CAMTA1: variants seen among roughly 807,000 people sequenced by gnomAD.
CAMTA1 encodes calmodulin binding transcription activator 1, also known as calmodulin-binding transcription activator 1.
In CAMTA1, 27 loss-of-function variants were observed where a neutral mutation model predicts 170.9. That is an observed-to-expected ratio of 0.16 (90% CI 0.12 to 0.22). CAMTA1 has a LOEUF of 0.22. CAMTA1 is among the 10% of genes least tolerant of loss of function. CAMTA1 has a pLI of 1.00. For missense variants in CAMTA1, 1,619 were observed against 2,217.2 expected (o/e 0.73, Z 5.42); for synonymous variants, 833 against 891.5 (o/e 0.93, Z 1.17).
At chr1:7,008,512 G>A (rs1042704686) in intron 3 of CAMTA1, 2 of 152,196 alleles carry the variant, frequency 1.3e-5, no homozygotes, top group African/African-American at 4.8e-5. Context: ...CCCAGAGGAG[G>A]GGAGGCTCAG....
intron 3 of CAMTA1, among the ~76,000 whole-genome samples, chr1:6,933,667 A>ATT (rs376754402): frequency 1.5e-5 from 2 of 135,150 alleles, no homozygotes; most frequent in African/African-American, 2.7e-5. Flanking sequence ...TTCGTTTTTC[A>ATT]TTTTTTTTTT....
At position 7,555,590 on chromosome 1, in the gene CAMTA1, C is replaced by T. The variant is rs34872342; in HGVS notation, c.511-84810C>T. Among the ~76,000 whole-genome samples, 1,042 of 144,970 alleles carry T rather than the reference C, an allele frequency of 7.2e-3. 2 individuals are homozygous for T. The highest frequency in any genetic ancestry group is 0.021 in the Middle Eastern group (6 of 280). On this transcript the variant is annotated intron_variant, in intron 6 of 22. Coordinates refer to ENST00000303635, the MANE Select transcript of CAMTA1 (RefSeq NM_015215.4). ...AGCTTGGAACTCTCACCCAAGGAGC[C>T]GAATGAGGTCCTGCTCCTGGAACAG...
intron 6 of CAMTA1, among the ~76,000 whole-genome samples, chr1:7,515,294 T>C (rs982162388): frequency 6.6e-6 from 1 of 152,166 alleles, no homozygotes; most frequent in Non-Finnish European, 1.5e-5. Context: ...TCTTGTGGCC[T>C]TGGAAGGGTT....
chr1:7,019,904 C>T (rs951115636), intron 3 of CAMTA1, among the ~76,000 whole-genome samples: 1 of 152,236 alleles, frequency 6.6e-6, no homozygotes, highest in East Asian at 1.9e-4. Context: ...TGGAAGCCAA[C>T]AGCTCTCCTT....
chr1:6,990,996 G>A (rs1028903943), intron 3 of CAMTA1, among the ~76,000 whole-genome samples: 1 of 151,916 alleles, frequency 6.6e-6, no homozygotes, highest in African/African-American at 2.4e-5. Flanking sequence ...CCTCTTTTAG[G>A]CAAGGCTTCC....
At chr1:6,876,382 A>G (rs1362089568) in intron 3 of CAMTA1, among the ~76,000 whole-genome samples, 1 of 148,414 alleles carries the variant, frequency 6.7e-6, no homozygotes, top group Non-Finnish European at 1.5e-5. Flanking sequence ...TTTTTTTGAG[A>G]CGGAGTTTTG....
At chr1:7,526,175 T>G (rs2094429717) in intron 6 of CAMTA1, among the ~76,000 whole-genome samples, 1 of 151,704 alleles carries the variant, frequency 6.6e-6, no homozygotes, top group Non-Finnish European at 1.5e-5. Context: ...AGGAGAAGGA[T>G]AAGCAGGACA....
At chr1:7,420,763 G>A (rs984418129) in intron 5 of CAMTA1, among the ~76,000 whole-genome samples, 9 of 152,222 alleles carry the variant, frequency 5.9e-5, no homozygotes, top group African/African-American at 7.2e-5. Context: ...AGACAGAACC[G>A]TTCAAGTACA....
rs1166876979 is a variant in CAMTA1 at position 7,286,290 on chromosome 1, C to T, written c.438+36664C>T. ...GATGGCACAGGTGGAGGGGCGGAGG[C>T]GCCAGGGTGTGCCACGTGCTTTTAG... On this transcript the variant is annotated intron_variant, in intron 5 of 22. Coordinates refer to ENST00000303635, the MANE Select transcript of CAMTA1 (RefSeq NM_015215.4). This position sits in a 1 kb window ranked among gnomAD's most constrained non-coding sequence, Gnocchi z 4.2. 3.3e-5 allele frequency among the ~76,000 whole-genome samples: 5 copies of T among 152,276 alleles called. No individual in the cohort carries two copies. Among genetic ancestry groups the T allele is most frequent in the Admixed American group, 6.5e-5 (1 of 15,302 alleles).
chr1:6,841,904 G>A (rs1655879776), intron 3 of CAMTA1, among the ~76,000 whole-genome samples: 1 of 152,158 alleles, frequency 6.6e-6, no homozygotes, highest in Non-Finnish European at 1.5e-5. Context: ...GCCACTACAG[G>A]GCCCGCAAGC....
chr1:7,197,558 C>G (rs572426887), intron 4 of CAMTA1, among the ~76,000 whole-genome samples: 310 of 150,506 alleles, frequency 2.1e-3, no homozygotes, highest in Middle Eastern at 0.014. Flanking sequence ...TTTTAGGAAC[C>G]TGCGTGTGGG....
chr1:7,466,226 C>T (rs537876901), intron 5 of CAMTA1, among the ~76,000 whole-genome samples: 7 of 152,250 alleles, frequency 4.6e-5, no homozygotes, highest in African/African-American at 1.4e-4. Context: ...AACAAAACAC[C>T]GTGTCTTGAA....
At position 7,682,242 on chromosome 1, in the gene CAMTA1, C is replaced by G. The variant is rs2096214349; in HGVS notation, c.2914+4509C>G. The stretch of plus-strand genomic sequence containing the variant: ...AAGCTCAAACTTCATTATCCAGTTG[C>G]CTGCTTCCTGGGCAAGCCTCAGTGT... On this transcript the variant is annotated intron_variant, in intron 11 of 22. Coordinates refer to ENST00000303635, the MANE Select transcript of CAMTA1 (RefSeq NM_015215.4). The surrounding 1 kb of genome is among the most constrained non-coding windows in gnomAD (Gnocchi z 5.0). Among the ~76,000 whole-genome samples, 1 of 152,206 alleles carries G rather than the reference C, an allele frequency of 6.6e-6. No individual in the cohort carries two copies. Among genetic ancestry groups the G allele is most frequent in the African/African-American group, 2.4e-5 (1 of 41,444 alleles).
rs920323275 is a variant in CAMTA1 at position 7,570,954 on chromosome 1, C to T, written c.511-69446C>T. 7.9e-5 allele frequency among the ~76,000 whole-genome samples: 12 copies of T among 152,122 alleles called. No individual in the cohort carries two copies. The highest frequency in any genetic ancestry group is 2.9e-5 in the Non-Finnish European group (2 of 68,010). On this transcript the variant is annotated intron_variant, in intron 6 of 22. Transcript: ENST00000303635. The surrounding 1 kb of genome is among the most constrained non-coding windows in gnomAD (Gnocchi z 4.3). The stretch of plus-strand genomic sequence containing the variant: ...AAGATGGGCAGCCTTTCTGTGTCGC[C>T]GGAGGTTGTGAGGATTAAAGGTGGT...
intron 6 of CAMTA1, among the ~76,000 whole-genome samples, chr1:7,515,122 G>T (rs541073361): frequency 3.6e-4 from 52 of 146,446 alleles, no homozygotes; most frequent in African/African-American, 1.2e-3. Flanking sequence ...GGTCCTCCCC[G>T]GCTCCCTCCA....
intron 5 of CAMTA1, among the ~76,000 whole-genome samples, chr1:7,266,473 T>C (rs1269045119): frequency 6.6e-6 from 1 of 152,250 alleles, no homozygotes; most frequent in East Asian, 1.9e-4. Flanking sequence ...CATCCATTTA[T>C]TGAAGAAACA....
At chr1:7,078,871 A>G (rs571412419) in intron 3 of CAMTA1, among the ~76,000 whole-genome samples, 2 of 152,342 alleles carry the variant, frequency 1.3e-5, no homozygotes, top group South Asian at 4.1e-4. Flanking sequence ...GAGGAGACAG[A>G]TATCAGAGTT....
At chr1:6,873,430 A>T (rs1276124614) in intron 3 of CAMTA1, among the ~76,000 whole-genome samples, 1 of 152,130 alleles carries the variant, frequency 6.6e-6, no homozygotes. Context: ...GTGGGGGGCC[A>T]TGACTGCTTG....
chr1:7,702,884 G>A (rs2096457279), intron 11 of CAMTA1, among the ~76,000 whole-genome samples: 2 of 152,092 alleles, frequency 1.3e-5, no homozygotes, highest in South Asian at 2.1e-4. Context: ...AGCTGGCAAC[G>A]GTAGCTAACT....
Sources: gnomAD v4.1 joint callset for allele counts (sites outside exome capture counted in the v4.1 genomes callset) on GRCh38, gnomAD v4.1.1 for gene constraint, Gnocchi (gnomAD v3.1) non-coding constraint, MANE v1.5 for transcripts, NCBI Gene and HGNC (gene_info 2026-07-23, HGNC 2026-07-21) for gene names.